Variants in MFAP3 observed in about 807,000 individuals in gnomAD.
MFAP3 encodes microfibril associated protein 3, also known as microfibril-associated glycoprotein 3.
MFAP3 carries 8 observed loss-of-function variants against 20.5 expected under a neutral mutation model. That is an observed-to-expected ratio of 0.39 (90% confidence interval 0.23 to 0.70). MFAP3 has a LOEUF of 0.70. MFAP3 is among the 30% of genes least tolerant of loss of function. The pLI, the probability that MFAP3 is intolerant of heterozygous loss-of-function variation, is 0.44. For synonymous variants in MFAP3, 140 were observed against 154.0 expected (o/e 0.91, Z 0.67); for missense variants, 398 against 444.6 (o/e 0.90, Z 0.94).
intron 1 of MFAP3, among the ~76,000 whole-genome samples, chr5:154,041,101 G>C (rs707180): frequency 6.0e-5 from 9 of 150,974 alleles, no homozygotes; most frequent in African/African-American, 2.2e-4. Context: ...TTATAATGGC[G>C]TACTCTTAAT....
intron 1 of MFAP3, among the ~76,000 whole-genome samples, chr5:154,045,801 C>T (rs550935643): frequency 6.6e-6 from 1 of 152,338 alleles, no homozygotes; most frequent in African/African-American, 2.4e-5. Flanking sequence ...CTCTGCTACC[C>T]TGCTCTTATT....
intron 1 of MFAP3, among the ~76,000 whole-genome samples, chr5:154,043,562 A>G (rs1031376384): frequency 2.6e-5 from 4 of 152,142 alleles, no homozygotes; most frequent in African/African-American, 9.6e-5. Flanking sequence ...ACACACACAC[A>G]CACACAAAAA....
In MFAP3 at chr5:154,053,695, T is replaced by C. The variant is rs779975756; in HGVS notation, c.1071T>C (p.Tyr357=). The change falls in exon 3 of 3, where the codon TAT becomes TAC. Residue 357 remains tyrosine (Y), a synonymous_variant. Transcript: ENST00000522782. ...ACTGTAACTACAAAGATGGGGCATA[T>C]GAAAACTGTCAGCTGTAACCTACAA... ...ESNCNYKDGA[Y]ENCQL 4 of 1,611,312 alleles carry C rather than the reference T, an allele frequency of 2.5e-6. 1 individual carries two copies. Among genetic ancestry groups the C allele is most frequent in the African/African-American group, 2.7e-5 (2 of 74,854 alleles).
chr5:154,044,006 CT>C (rs1460406558), intron 1 of MFAP3, among the ~76,000 whole-genome samples: 1 of 152,198 alleles, frequency 6.6e-6, no homozygotes, highest in East Asian at 1.9e-4. Flanking sequence ...ACACATTTGT[CT>C]TTTCTCTGTT....
chr5:154,053,813 G>A lies in MFAP3; in HGVS notation c.*100G>A, dbSNP rs1773264881. 4.5e-6 allele frequency: 5 copies of A among 1,117,570 alleles called. No individual in the cohort carries two copies. Among genetic ancestry groups the A allele is most frequent in the Non-Finnish European group, 6.4e-6 (5 of 776,590 alleles). The allele number at this position is 1,117,570 out of a possible 1,614,324, so 69.2% of individuals were successfully genotyped here. Reference sequence around the variant, plus strand: ...ACATTTTTGCCAAAAGATGACTGGGGTTTTCCGTTTGTTAATATTAAGCAC... The same window carrying A: ...ACATTTTTGCCAAAAGATGACTGGGATTTTCCGTTTGTTAATATTAAGCAC... On this transcript the variant is annotated 3_prime_UTR_variant, in exon 3 of 3. Transcript: ENST00000522782.
rs148438437 is a variant in MFAP3, at chr5:154,039,557, G to A, written c.-167+546G>A. ...AGCCCAAATCTTGTAAGGCTTATGA[G>A]CAAGGATAAAGAGTTTGATTTTTGT... On this transcript the variant is annotated intron_variant, in intron 1 of 2. Coordinates refer to ENST00000522782, the MANE Select transcript of MFAP3 (RefSeq NM_005927.5). Among the ~76,000 whole-genome samples, 30 of 152,286 alleles carry A rather than the reference G, an allele frequency of 2.0e-4. No homozygotes were observed. In the East Asian group the frequency reaches 5.6e-3, roughly 28 times the overall value.
chr5:154,044,156 C>G (rs1362404975), intron 1 of MFAP3, among the ~76,000 whole-genome samples: 1 of 152,214 alleles, frequency 6.6e-6, no homozygotes, highest in Admixed American at 6.5e-5. Flanking sequence ...CTTGCACCAC[C>G]TACTGTACTT....
chr5:154,043,947 ATAT>A (rs1198255503), intron 1 of MFAP3, among the ~76,000 whole-genome samples: 2 of 152,204 alleles, frequency 1.3e-5, no homozygotes, highest in African/African-American at 2.4e-5. Context: ...TGCAGGCCTA[ATAT>A]TATAGGAAGT....
chr5:154,047,838 T>C (rs1218695828), intron 1 of MFAP3, among the ~76,000 whole-genome samples: 2 of 152,142 alleles, frequency 1.3e-5, no homozygotes, highest in Non-Finnish European at 2.9e-5. Context: ...GAACTCCTAA[T>C]CAAAGTTCTG....
intron 2 of MFAP3, 106 bp downstream of exon 2, chr5:154,050,123 A>G: frequency 3.2e-6 from 4 of 1,268,254 alleles, no homozygotes; most frequent in Middle Eastern, 3.9e-4. Context: ...GCCAAGGTGA[A>G]TAGTTTAAAA....
In MFAP3 at chr5:154,053,242, C is replaced by T. The variant is rs142736423; in HGVS notation, c.618C>T (p.Ile206=). Residue 206 remains isoleucine, a synonymous_variant, in exon 3 of 3, where the codon ATC becomes ATT. Transcript: ENST00000522782. The part of the protein sequence containing the change: ...LQKAFEIAKR[I]PIITSAKTLE... ...AGGCCTTTGAGATTGCAAAACGTAT[C>T]CCCATCATTACCTCAGCCAAAACTC... 3.7e-6 allele frequency: 6 copies of T among 1,613,960 alleles called. No individual in the cohort carries two copies. The highest frequency in any genetic ancestry group is 1.1e-5 in the South Asian group (1 of 91,074).
chr5:154,052,384 A>G (rs1461485114), intron 2 of MFAP3, among the ~76,000 whole-genome samples: 2 of 152,050 alleles, frequency 1.3e-5, no homozygotes, highest in Non-Finnish European at 2.9e-5. Context: ...TTAAATTGCT[A>G]GGATTTTTTA....
At position 154,039,015 on chromosome 5, in the gene MFAP3, G is replaced by A. The variant is rs1772818121; in HGVS notation, c.-167+4G>A. On this transcript the variant is annotated splice_donor_region_variant and intron_variant, in intron 1 of 2. Transcript: ENST00000522782. ...GAAGGAGCTAGACGGCGGTCGGGTA[G>A]GTGACGGCTTGGTTGGGGTCGCTGC... 6.6e-6 allele frequency: 1 copy of A among 152,610 alleles called. No homozygotes were observed. The highest frequency in any genetic ancestry group is 1.5e-5 in the Non-Finnish European group (1 of 68,212). 9.5% of individuals were successfully genotyped at this position (152,610 alleles called of 1,614,324 possible). A position where few individuals can be genotyped will look rare whatever the true frequency, so the allele number is the denominator to read the frequency against.
chr5:154,047,534 CAG>C (rs1442108102), intron 1 of MFAP3, among the ~76,000 whole-genome samples: 2 of 139,408 alleles, frequency 1.4e-5, no homozygotes, highest in Middle Eastern at 3.2e-3. Flanking sequence ...GGTTTTACTA[CAG>C]AGAGAGCAAG....
chr5:154,046,590 T>G (rs1307196735), intron 1 of MFAP3, among the ~76,000 whole-genome samples: 1 of 152,130 alleles, frequency 6.6e-6, no homozygotes, highest in African/African-American at 2.4e-5. Flanking sequence ...TCTGAATTTA[T>G]GTAGGAGGAA....
intron 1 of MFAP3, among the ~76,000 whole-genome samples, chr5:154,043,043 A>G (rs770628722): frequency 3.3e-5 from 5 of 152,148 alleles, no homozygotes; most frequent in African/African-American, 4.8e-5. Flanking sequence ...CAACAAGACA[A>G]TCTGTTAGGG....
Position 154,053,527 on chromosome 5 carries a change from T to A in MFAP3, c.903T>A (p.Asp301Glu), listed in dbSNP as rs1172647792. The A allele has an allele frequency of 1.2e-6, 2 of 1,613,872 alleles. No individual in the cohort carries two copies. Among genetic ancestry groups the A allele is most frequent in the African/African-American group, 2.7e-5 (2 of 75,038 alleles). ...GTAATTCACCAGGAGGAGATTCAGA[T>A]GATGGCTCTCTGAATGAACAAGGCC... is the stretch of plus-strand genomic sequence containing the variant. ...GRSNSPGGDS[D>E]DGSLNEQGQE... The change falls in exon 3 of 3, where the codon GAT (aspartate) becomes GAA (glutamate). Residue 301 changes from aspartate to glutamate, a missense_variant. Physicochemically the swap from Asp to Glu is conservative, Grantham distance 45. Transcript: ENST00000522782.
intron 2 of MFAP3, 142 bp downstream of exon 2, chr5:154,050,159 C>A (rs1289732241): frequency 5.4e-6 from 4 of 741,612 alleles, no homozygotes; most frequent in Non-Finnish European, 5.9e-6. Flanking sequence ...GAGTGTTGTA[C>A]CTATCAGAAA....
At chr5:154,048,449 T>A (rs1207702994) in intron 1 of MFAP3, among the ~76,000 whole-genome samples, 1 of 152,220 alleles carries the variant, frequency 6.6e-6, no homozygotes, top group Admixed American at 6.5e-5. Context: ...AGTGATTCAT[T>A]GTTTTTTATG....
Sources: allele counts gnomAD v4.1 joint callset (sites outside exome capture counted in the v4.1 genomes callset), GRCh38; gene constraint gnomAD v4.1.1; transcripts MANE v1.5; gene names NCBI Gene and HGNC (gene_info 2026-07-23, HGNC 2026-07-21).